The following GRIK4 variants were observed in gnomAD, a reference collection of about 807,000 sequenced individuals.
GRIK4 encodes glutamate ionotropic receptor kainate type subunit 4, also known as glutamate receptor ionotropic, kainate 4.
Under a neutral mutation model 104.9 loss-of-function variants are expected in GRIK4, and 40 were observed. The ratio of observed to expected loss-of-function variants is 0.38; its 90% CI spans 0.30 to 0.50. The LOEUF (loss-of-function observed/expected upper bound fraction) is 0.50, where lower values mean the gene tolerates loss of function less well. Ranked by LOEUF, GRIK4 falls within the 20% of genes least tolerant of loss-of-function variation. GRIK4 has a pLI of 0.93. For synonymous variants in GRIK4, 485 were observed against 524.9 expected, an observed-to-expected ratio of 0.92 and a Z score of 1.04; for missense variants, 1,047 against 1,308.1, an observed-to-expected ratio of 0.80 and a Z score of 3.08.
intron 3 of GRIK4, among the ~76,000 whole-genome samples, chr11:120,697,595 A>G (rs1251400453): frequency 2.6e-5 from 4 of 152,184 alleles, no homozygotes; most frequent in Non-Finnish European, 5.9e-5. Context: ...AGTCTGGGCG[A>G]CAGAGTGAGA....
rs1049426302 is a variant in GRIK4, at chr11:120,903,577, C to T, written c.1273-1713C>T. ...TGCCTGTAAATACACCCTGGACTGT[C>T]CCATCCTAAAACACCATCGCCTTCA... On this transcript the variant is annotated intron_variant, in intron 12 of 20. Transcript: ENST00000527524. The surrounding 1 kb of genome is among the most constrained non-coding windows in gnomAD (Gnocchi z 4.4). Among the ~76,000 whole-genome samples the T allele has an allele frequency of 6.6e-6, 1 of 152,158 alleles. No homozygotes were observed. The highest frequency in any genetic ancestry group is 1.5e-5 in the Non-Finnish European group (1 of 68,038).
rs1003336314 is a variant in GRIK4 at position 120,986,569 on chromosome 11, G to A, written c.*309G>A. On this transcript the variant is annotated 3_prime_UTR_variant, in exon 21 of 21. Transcript: ENST00000527524. ...CCAAAATAACAAGAGTATAGGGTGG[G>A]GGGTCCCTACCCAGACCAGTCCAAT... 2.6e-5 allele frequency: 9 copies of A among 344,972 alleles called. No homozygotes were observed. In the East Asian group the frequency reaches 6.2e-4, roughly 24 times the overall value. The allele number at this position is 344,972 out of a possible 1,614,324, so 21.4% of individuals were successfully genotyped here. A position where few individuals can be genotyped will look rare whatever the true frequency, so the allele number is the denominator to read the frequency against.
intron 1 of GRIK4, among the ~76,000 whole-genome samples, chr11:120,626,690 C>A (rs541136971): frequency 6.3e-4 from 96 of 152,196 alleles, no homozygotes; most frequent in African/African-American, 2.3e-3. Flanking sequence ...GCCTGAACGC[C>A]CCATTTGGAT....
chr11:120,522,539 T>C (rs1947808273), intron 1 of GRIK4, among the ~76,000 whole-genome samples: 1 of 152,112 alleles, frequency 6.6e-6, no homozygotes, highest in Admixed American at 6.5e-5. Context: ...CAGGCTGGTC[T>C]CGAACCCCTG....
chr11:120,971,747 G>A (rs1209409906), intron 19 of GRIK4, among the ~76,000 whole-genome samples: 1 of 152,230 alleles, frequency 6.6e-6, no homozygotes, highest in African/African-American at 2.4e-5. Flanking sequence ...AATGGTCAGG[G>A]AAGGCTTTAA....
At chr11:120,969,721 G>T (rs1038498726) in intron 19 of GRIK4, among the ~76,000 whole-genome samples, 1 of 152,180 alleles carries the variant, frequency 6.6e-6, no homozygotes, top group Non-Finnish European at 1.5e-5. Context: ...CATCTGCAGG[G>T]AAACAGCAGT....
chr11:120,783,466 C>T (rs929959441), intron 3 of GRIK4, among the ~76,000 whole-genome samples: 4 of 152,026 alleles, frequency 2.6e-5, no homozygotes, highest in Non-Finnish European at 5.9e-5. Context: ...TCTGTTTCCT[C>T]TTCTTCCTTT....
At chr11:120,662,551 G>A (rs902069336) in intron 3 of GRIK4, among the ~76,000 whole-genome samples, 2 of 152,134 alleles carry the variant, frequency 1.3e-5, no homozygotes, top group African/African-American at 4.8e-5. Context: ...GCAGGGATGG[G>A]AAGAGAAGTG....
chr11:120,915,243 T>A (rs1000350711), intron 13 of GRIK4, among the ~76,000 whole-genome samples: 1 of 152,126 alleles, frequency 6.6e-6, no homozygotes. Context: ...GCCAGCGCGC[T>A]GGACTGCACC....
At position 120,862,138 on chromosome 11, in the gene GRIK4, C is replaced by T; in HGVS notation, c.906+18C>T. The T allele has an allele frequency of 3.1e-6, 5 of 1,609,582 alleles. No homozygotes were observed. The highest frequency in any genetic ancestry group is 4.2e-6 in the Non-Finnish European group (5 of 1,177,602). On this transcript the variant is annotated intron_variant, in intron 9 of 20. Coordinates refer to ENST00000527524, the MANE Select transcript of GRIK4 (RefSeq NM_014619.5). Reference sequence around the variant, plus strand: ...GGCCTGCGGTAAGTACCCGCCAGAGCTCTTCCTGGTGCCCCTTGGCCTCTG... The same window carrying T: ...GGCCTGCGGTAAGTACCCGCCAGAGTTCTTCCTGGTGCCCCTTGGCCTCTG...
intron 1 of GRIK4, chr11:120,576,315 A>C (rs1381830094): frequency 6.6e-6 from 1 of 152,216 alleles, no homozygotes; most frequent in Non-Finnish European, 1.5e-5. Flanking sequence ...TTGACATCTT[A>C]AGAATCCACA....
chr11:120,766,752 C>T (rs1951847785), intron 3 of GRIK4, among the ~76,000 whole-genome samples: 1 of 151,778 alleles, frequency 6.6e-6, no homozygotes, highest in Non-Finnish European at 1.5e-5. Context: ...GACACCCCAC[C>T]CTGCTTCTGC....
intron 11 of GRIK4, among the ~76,000 whole-genome samples, chr11:120,880,132 G>A (rs1211232702): frequency 1.3e-5 from 2 of 152,168 alleles, no homozygotes; most frequent in Non-Finnish European, 2.9e-5. Context: ...GTATCACTAC[G>A]TGGATACCTC....
At chr11:120,946,523 T>C (rs1009570331) in intron 14 of GRIK4, among the ~76,000 whole-genome samples, 6 of 152,192 alleles carry the variant, frequency 3.9e-5, no homozygotes, top group East Asian at 3.8e-4. Context: ...AAAAATTAAA[T>C]AATTTAAAAT....
chr11:120,967,417 G>A lies in GRIK4; in HGVS notation c.2395+94G>A, dbSNP rs923400760. On this transcript the variant is annotated intron_variant, in intron 19 of 20. Coordinates refer to ENST00000527524, the MANE Select transcript of GRIK4 (RefSeq NM_014619.5). The surrounding 1 kb of genome is among the most constrained non-coding windows in gnomAD (Gnocchi z 4.2). ...TTCCAGGTACACATAATGACTTGTAGGACCCATTGAGAACGGCCTTGGAAG... is the reference window on the plus strand; with the variant it reads ...TTCCAGGTACACATAATGACTTGTAAGACCCATTGAGAACGGCCTTGGAAG... The A allele has an allele frequency of 1.8e-5, 25 of 1,375,294 alleles. No homozygotes were observed. The highest frequency in any genetic ancestry group is 2.9e-5 in the South Asian group (2 of 69,594). The allele number at this position is 1,375,294 out of a possible 1,614,324, so 85.2% of individuals were successfully genotyped here. A position where few individuals can be genotyped will look rare whatever the true frequency, so the allele number is the denominator to read the frequency against.
intron 1 of GRIK4, among the ~76,000 whole-genome samples, chr11:120,572,107 G>A (rs971785272): frequency 1.3e-5 from 2 of 152,216 alleles, no homozygotes; most frequent in Non-Finnish European, 2.9e-5. Context: ...CTGGATTGCA[G>A]ATGGCCATCT....
chr11:120,527,613 G>A (rs1345829000), intron 1 of GRIK4, among the ~76,000 whole-genome samples: 1 of 152,228 alleles, frequency 6.6e-6, no homozygotes, highest in African/African-American at 2.4e-5. Flanking sequence ...GGAGGAAGAC[G>A]GGCATTCAGG....
At chr11:120,748,090 A>G (rs544107895) in intron 3 of GRIK4, among the ~76,000 whole-genome samples, 1 of 152,194 alleles carries the variant, frequency 6.6e-6, no homozygotes, top group South Asian at 2.1e-4. Flanking sequence ...TGCTCTGAGG[A>G]GCAGCCTTCA....
chr11:120,682,199 G>A (rs537236778), intron 3 of GRIK4, among the ~76,000 whole-genome samples: 1 of 152,320 alleles, frequency 6.6e-6, no homozygotes, highest in South Asian at 2.1e-4. Flanking sequence ...AAATCCTGGT[G>A]TCTCTCAGAG....
Sources: allele counts gnomAD v4.1 joint callset (sites outside exome capture counted in the v4.1 genomes callset), GRCh38; gene constraint gnomAD v4.1.1; non-coding constraint Gnocchi (gnomAD v3.1); transcripts MANE v1.5; gene names NCBI Gene and HGNC (gene_info 2026-07-23, HGNC 2026-07-21).